CLPX: variants seen among roughly 807,000 people sequenced by gnomAD.
The protein encoded by CLPX is ATP-dependent clpX-like chaperone, mitochondrial.
Under a neutral mutation model 76.4 loss-of-function variants are expected in CLPX, and 34 were observed. The observed-to-expected ratio is 0.45, with a 90% CI of 0.34 to 0.59. The LOEUF (loss-of-function observed/expected upper bound fraction) is 0.59. CLPX is among the 20% of genes least tolerant of loss of function. The pLI is 0.01. For missense variants in CLPX, 613 were observed against 757.0 expected (o/e 0.81, Z 2.23); for synonymous variants, 248 against 270.9 (o/e 0.92, Z 0.83).
chr15:65,185,118 C>T lies in CLPX; in HGVS notation c.36G>A (p.Ala12=), dbSNP rs1187899320. 2.5e-6 allele frequency: 4 copies of T among 1,581,010 alleles called. No individual in the cohort carries two copies. The South Asian group carries it at 4.6e-5, about 18-fold the overall frequency. ...GTGAGGAGGTGATGAGCCGGACGGC[C>T]GCCGCGCCGCAAGTACAAGCACCGC... ...PSCGACTCGA[A]AVRLITSSLA... Residue 12 remains alanine (A), a synonymous_variant, in exon 1 of 14, where the codon GCG becomes GCA. Transcript: ENST00000300107.
At chr15:65,174,480 G>T (rs554163314) in intron 3 of CLPX, among the ~76,000 whole-genome samples, 1 of 151,072 alleles carries the variant, frequency 6.6e-6, no homozygotes, top group East Asian at 1.9e-4. Flanking sequence ...GGTCAGGCTG[G>T]TCTCAAACTC....
chr15:65,180,233 T>A, intron 1 of CLPX, 29 bp from the exon 2 acceptor site: 1 of 1,539,602 alleles, frequency 6.5e-7, no homozygotes. Flanking sequence ...CTACATCAAA[T>A]ATAGACATGC....
chr15:65,180,836 G>A (rs964748486), intron 1 of CLPX, among the ~76,000 whole-genome samples: 24 of 149,160 alleles, frequency 1.6e-4, no homozygotes, highest in African/African-American at 7.4e-5. Flanking sequence ...CCCGGGAGGC[G>A]AAGTTTGCAG....
intron 3 of CLPX, among the ~76,000 whole-genome samples, chr15:65,177,351 G>T (rs932641308): frequency 2.0e-5 from 3 of 152,210 alleles, no homozygotes; most frequent in Non-Finnish European, 4.4e-5. Flanking sequence ...TTACTGGTGT[G>T]AGCCACAGCG....
chr15:65,157,007 G>C (rs1595937333), intron 8 of CLPX, 75 bp from the exon 9 acceptor site: 1 of 871,846 alleles, frequency 1.1e-6, no homozygotes, highest in South Asian at 1.6e-5. Context: ...AAAATACTTA[G>C]GTAGCTAGAG....
chr15:65,159,319 T>C (rs1271659537), intron 6 of CLPX, among the ~76,000 whole-genome samples: 2 of 152,216 alleles, frequency 1.3e-5, no homozygotes, highest in South Asian at 2.1e-4. Flanking sequence ...GGGACTGACA[T>C]TGCTAGTGAG....
chr15:65,174,751 G>A (rs987673763), intron 3 of CLPX, among the ~76,000 whole-genome samples: 7 of 152,050 alleles, frequency 4.6e-5, no homozygotes, highest in African/African-American at 1.2e-4. Context: ...TCCTGCAGTC[G>A]GCCCTGTGGA....
chr15:65,172,024 T>C (rs1436954705), intron 3 of CLPX, among the ~76,000 whole-genome samples: 3 of 152,352 alleles, frequency 2.0e-5, no homozygotes, highest in African/African-American at 7.2e-5. Context: ...AGACAGAGTT[T>C]CACTCTTGTT....
chr15:65,150,996 C>A, intron 13 of CLPX, 83 bp from the exon 14 acceptor site: 1 of 887,266 alleles, frequency 1.1e-6, no homozygotes, highest in Non-Finnish European at 1.8e-6. Context: ...GCAAAGTAAC[C>A]TCTCCTAGCT....
At chr15:65,161,592 A>C (rs1465926508) in intron 6 of CLPX, among the ~76,000 whole-genome samples, 2 of 152,218 alleles carry the variant, frequency 1.3e-5, no homozygotes, top group Non-Finnish European at 2.9e-5. Context: ...CATGTCTTTC[A>C]AAATATGCAC....
Position 65,150,790 on chromosome 15 carries a change from A to C in CLPX, c.*33T>G, listed in dbSNP as rs2087709684. 2.8e-6 allele frequency: 4 copies of C among 1,452,230 alleles called. No homozygotes were observed. The highest frequency in any genetic ancestry group is 3.8e-6 in the Non-Finnish European group (4 of 1,043,928). 90.0% of individuals were successfully genotyped at this position (1,452,230 alleles called of 1,614,324 possible). On this transcript the variant is annotated 3_prime_UTR_variant, in exon 14 of 14. Coordinates refer to ENST00000300107, the MANE Select transcript of CLPX (RefSeq NM_006660.5). ...ATTATGATCCTAAACAAAAGAAGGAAAAGCTGTATATACAAGACAGCAATA... is the reference window on the plus strand; with the variant it reads ...ATTATGATCCTAAACAAAAGAAGGACAAGCTGTATATACAAGACAGCAATA...
intron 5 of CLPX, 26 bp from the exon 6 acceptor site, chr15:65,162,671 A>T: frequency 1.4e-6 from 2 of 1,414,874 alleles, no homozygotes; most frequent in Non-Finnish European, 2.0e-6. Context: ...AAAATATTAC[A>T]TATTTGTTTA....
chr15:65,149,937 T>A lies in CLPX; in HGVS notation c.*886A>T, dbSNP rs145183802. 6.5e-6 allele frequency: 1 copy of A among 154,254 alleles called. No homozygotes were observed. The highest frequency in any genetic ancestry group is 2.4e-5 in the African/African-American group (1 of 41,336). The allele number at this position is 154,254 out of a possible 1,614,324, so 9.6% of individuals were successfully genotyped here. On this transcript the variant is annotated 3_prime_UTR_variant, in exon 14 of 14. Coordinates refer to ENST00000300107, the MANE Select transcript of CLPX (RefSeq NM_006660.5). Reference sequence around the variant, plus strand: ...AAATGGCCTTTTTTACAGAACCAATTGGGAAGTTAGTGTCATGCATTAGCA... The same window carrying A: ...AAATGGCCTTTTTTACAGAACCAATAGGGAAGTTAGTGTCATGCATTAGCA...
chr15:65,169,602 G>A (rs1370402719), intron 3 of CLPX, among the ~76,000 whole-genome samples: 1 of 152,006 alleles, frequency 6.6e-6, no homozygotes, highest in Non-Finnish European at 1.5e-5. Context: ...TGTAAACCCA[G>A]CTACTCAGCA....
At chr15:65,164,845 G>A (rs1324274230) in intron 4 of CLPX, among the ~76,000 whole-genome samples, 1 of 151,572 alleles carries the variant, frequency 6.6e-6, no homozygotes, top group Admixed American at 6.6e-5. Context: ...GAACTCCTGG[G>A]GCTCAAGCAA....
intron 1 of CLPX, among the ~76,000 whole-genome samples, chr15:65,184,816 G>T (rs570496145): frequency 6.6e-6 from 1 of 152,372 alleles, no homozygotes; most frequent in Admixed American, 6.5e-5. Flanking sequence ...CCGCATTCCG[G>T]CCCCAAAGTC....
At chr15:65,170,838 T>TTG (rs1405842673) in intron 3 of CLPX, among the ~76,000 whole-genome samples, 3 of 149,358 alleles carry the variant, frequency 2.0e-5, no homozygotes, top group African/African-American at 7.4e-5. Context: ...TTTTTTTTTT[T>TTG]TTGAGACGGA....
At chr15:65,177,062 T>C (rs1595946676) in intron 3 of CLPX, among the ~76,000 whole-genome samples, 1 of 151,938 alleles carries the variant, frequency 6.6e-6, no homozygotes, top group African/African-American at 2.4e-5. Context: ...GGTTTTATCA[T>C]CCAGTTCTAC....
At chr15:65,157,417 C>T (rs1371436373) in intron 8 of CLPX, among the ~76,000 whole-genome samples, 7 of 152,150 alleles carry the variant, frequency 4.6e-5, no homozygotes, top group African/African-American at 1.7e-4. Flanking sequence ...TCATCTGGTA[C>T]CCTCCTCCCT....
Sources: allele counts gnomAD v4.1 joint callset (sites outside exome capture counted in the v4.1 genomes callset), GRCh38; gene constraint gnomAD v4.1.1; transcripts MANE v1.5; gene names NCBI Gene and HGNC (gene_info 2026-07-23, HGNC 2026-07-21).